Variants in GPC5 observed in about 807,000 individuals in gnomAD.
GPC5 encodes glypican-5.
GPC5 carries 47 observed loss-of-function variants against 53.9 expected under a neutral mutation model. That is an observed-to-expected ratio of 0.87 (90% CI 0.69 to 1.11). The LOEUF (loss-of-function observed/expected upper bound fraction) is 1.11. Ranked by LOEUF, GPC5 falls within the 50% of genes most tolerant of loss-of-function variation. The pLI is 0.00. For synonymous variants in GPC5, 286 were observed against 263.3 expected (o/e 1.09, Z -0.84); for missense variants, 748 against 713.1 (o/e 1.05, Z -0.56).
chr13:91,462,417 G>T (rs1346682288), intron 2 of GPC5, among the ~76,000 whole-genome samples: 1 of 152,152 alleles, frequency 6.6e-6, no homozygotes, highest in African/African-American at 2.4e-5. Flanking sequence ...TCAGAATAAT[G>T]TGAGAGGTTT....
intron 7 of GPC5, among the ~76,000 whole-genome samples, chr13:92,567,737 G>A (rs1008263299): frequency 2.6e-5 from 4 of 152,094 alleles, no homozygotes; most frequent in African/African-American, 9.6e-5. Context: ...GCGCTTCCAG[G>A]GGAAACACAG....
intron 6 of GPC5, among the ~76,000 whole-genome samples, chr13:92,079,198 C>T (rs1273956381): frequency 6.6e-6 from 1 of 152,052 alleles, no homozygotes; most frequent in African/African-American, 2.4e-5. Context: ...ATTACAGGCA[C>T]CCGCCACCAT....
At chr13:91,854,477 T>A (rs2038946186) in intron 5 of GPC5, among the ~76,000 whole-genome samples, 1 of 151,788 alleles carries the variant, frequency 6.6e-6, no homozygotes, top group African/African-American at 2.4e-5. Flanking sequence ...AATACTGTAA[T>A]AGGTCTTACT....
chr13:91,438,865 C>T lies in GPC5; in HGVS notation c.164-9896C>T, dbSNP rs375610413. Among the ~76,000 whole-genome samples the T allele has an allele frequency of 9.9e-5, 15 of 151,500 alleles. No homozygotes were observed. The East Asian group carries it at 1.9e-3, about 20-fold the overall frequency. On this transcript the variant is annotated intron_variant, in intron 1 of 7. Coordinates refer to ENST00000377067, the MANE Select transcript of GPC5 (RefSeq NM_004466.6). Reference sequence around the variant, plus strand: ...CTACTCAAGCGTCGGTAATGGCGGGCGCCCCTCCCCCAGCCTCGCTGCTGC... The same window carrying T: ...CTACTCAAGCGTCGGTAATGGCGGGTGCCCCTCCCCCAGCCTCGCTGCTGC...
chr13:91,545,780 A>T (rs1234896355), intron 2 of GPC5, among the ~76,000 whole-genome samples: 2 of 152,090 alleles, frequency 1.3e-5, no homozygotes, highest in Admixed American at 1.3e-4. Flanking sequence ...ACTTCATATA[A>T]GTAGAATTGA....
chr13:91,595,403 A>G (rs2139189553), intron 2 of GPC5, among the ~76,000 whole-genome samples: 1 of 152,146 alleles, frequency 6.6e-6, no homozygotes, highest in East Asian at 1.9e-4. Context: ...ACAAATTTTT[A>G]TCTCTAATAC....
chr13:92,650,937 T>C (rs1419355556), intron 7 of GPC5, among the ~76,000 whole-genome samples: 1 of 152,108 alleles, frequency 6.6e-6, no homozygotes, highest in Non-Finnish European at 1.5e-5. Flanking sequence ...GTGTGTGTTG[T>C]TCCCCTCCCT....
chr13:91,425,892 T>C (rs1041361957), intron 1 of GPC5, among the ~76,000 whole-genome samples: 3 of 152,040 alleles, frequency 2.0e-5, no homozygotes, highest in African/African-American at 7.2e-5. Context: ...AAAATGCTGA[T>C]AGTGATGTGA....
rs987161675 is a variant in GPC5 at position 92,319,170 on chromosome 13, A to G, written c.1561+174181A>G. Among the ~76,000 whole-genome samples, 2 of 152,166 alleles carry G rather than the reference A, an allele frequency of 1.3e-5. 1 individual carries two copies. Among genetic ancestry groups the G allele is most frequent in the South Asian group, 4.1e-4 (2 of 4,834 alleles). ...CTTTGAGTCAGAAAAAACTGTCATT[A>G]AAGTGGAAATAATATCTGTTGTATT... is the stretch of plus-strand genomic sequence containing the variant. On this transcript the variant is annotated intron_variant, in intron 7 of 7. Coordinates refer to ENST00000377067, the MANE Select transcript of GPC5 (RefSeq NM_004466.6).
At chr13:92,234,612 T>C (rs886939715) in intron 7 of GPC5, among the ~76,000 whole-genome samples, 6 of 151,418 alleles carry the variant, frequency 4.0e-5, no homozygotes, top group African/African-American at 1.2e-4. Flanking sequence ...CACTAGGAGA[T>C]ATATGGCGGT....
intron 2 of GPC5, among the ~76,000 whole-genome samples, chr13:91,652,830 G>A (rs1594384025): frequency 6.6e-6 from 1 of 152,226 alleles, no homozygotes; most frequent in Non-Finnish European, 1.5e-5. Context: ...TAACCTACAG[G>A]TCGTCACAGT....
At chr13:92,843,030 T>G (rs1594544057) in intron 7 of GPC5, among the ~76,000 whole-genome samples, 1 of 152,294 alleles carries the variant, frequency 6.6e-6, no homozygotes, top group South Asian at 2.1e-4. Context: ...TGCCAGACAT[T>G]TTTCCTGCTT....
chr13:91,721,213 C>A (rs2036466284), intron 3 of GPC5, among the ~76,000 whole-genome samples: 2 of 151,938 alleles, frequency 1.3e-5, no homozygotes, highest in Non-Finnish European at 2.9e-5. Context: ...CAGCTCACTG[C>A]AGCTTCCACC....
chr13:92,379,869 AGC>A (rs2043725323), intron 7 of GPC5, among the ~76,000 whole-genome samples: 1 of 152,100 alleles, frequency 6.6e-6, no homozygotes, highest in Non-Finnish European at 1.5e-5. Flanking sequence ...CTTGTCATTC[AGC>A]TAGTGGCTAC....
At chr13:92,155,829 T>C (rs750467244) in intron 7 of GPC5, among the ~76,000 whole-genome samples, 1 of 152,190 alleles carries the variant, frequency 6.6e-6, no homozygotes, top group Non-Finnish European at 1.5e-5. Context: ...TTGTATCCCA[T>C]GCTTACTGCC....
chr13:91,941,231 A>G (rs187150440), intron 6 of GPC5, among the ~76,000 whole-genome samples: 1 of 152,174 alleles, frequency 6.6e-6, no homozygotes, highest in African/African-American at 2.4e-5. Context: ...TACTACTACC[A>G]TGCTGTTTTG....
intron 7 of GPC5, among the ~76,000 whole-genome samples, chr13:92,811,070 TATGGCTAA>T (rs1379484214): frequency 6.6e-6 from 1 of 152,052 alleles, no homozygotes; most frequent in East Asian, 1.9e-4. Flanking sequence ...CATTCCTTCT[TATGGCTAA>T]ATAATATTCC....
intron 7 of GPC5, among the ~76,000 whole-genome samples, chr13:92,318,233 C>A (rs911913397): frequency 6.6e-6 from 1 of 152,096 alleles, no homozygotes; most frequent in Non-Finnish European, 1.5e-5. Context: ...TGAGTGCCGT[C>A]GGTGGGGTGC....
In GPC5 at chr13:91,878,096, C is replaced by G. The variant is rs142784186; in HGVS notation, c.1281-29841C>G. ...AAGTCCAATTAAACTTCTTTTGCTT[C>G]CCAGTCGCAGGTATGTCTTTATCAG... On this transcript the variant is annotated intron_variant, in intron 5 of 7. Coordinates refer to ENST00000377067, the MANE Select transcript of GPC5 (RefSeq NM_004466.6). Among the ~76,000 whole-genome samples, 873 of 152,212 alleles carry G rather than the reference C, an allele frequency of 5.7e-3. 14 individuals carry two copies. Among genetic ancestry groups the G allele is most frequent in the African/African-American group, 0.02 (834 of 41,538 alleles).
Sources: gnomAD v4.1 joint callset for allele counts (sites outside exome capture counted in the v4.1 genomes callset) on GRCh38, gnomAD v4.1.1 for gene constraint, MANE v1.5 for transcripts, NCBI Gene and HGNC (gene_info 2026-07-23, HGNC 2026-07-21) for gene names.